Variants in FOXN3 observed in about 807,000 individuals in gnomAD.
FOXN3 encodes forkhead box N3, also known as forkhead box protein N3.
FOXN3 carries 7 observed loss-of-function variants against 38.4 expected under a neutral mutation model. That is an observed-to-expected ratio of 0.18 (90% CI 0.10 to 0.34). The LOEUF (loss-of-function observed/expected upper bound fraction) is 0.34. Ranked by LOEUF, FOXN3 falls within the 10% of genes least tolerant of loss-of-function variation. FOXN3 has a pLI of 1.00. For missense variants in FOXN3, 456 were observed against 613.4 expected (o/e 0.74, Z 2.71); for synonymous variants, 230 against 242.2 (o/e 0.95, Z 0.47).
At chr14:89,183,976 G>A (rs934568795) in intron 4 of FOXN3, 4 of 152,126 alleles carry the variant, frequency 2.6e-5, no homozygotes, top group African/African-American at 9.7e-5. Flanking sequence ...GCTGAGTTAC[G>A]GAAGGCACGA....
chr14:89,390,723 G>A (rs1329456155), intron 2 of FOXN3, among the ~76,000 whole-genome samples: 1 of 152,144 alleles, frequency 6.6e-6, no homozygotes, highest in Non-Finnish European at 1.5e-5. Context: ...AAAATCTCCA[G>A]AAACCCTTCC....
chr14:89,267,201 G>C (rs892517359), intron 4 of FOXN3, among the ~76,000 whole-genome samples: 14 of 152,182 alleles, frequency 9.2e-5, no homozygotes, highest in African/African-American at 3.4e-4. Flanking sequence ...CTACACAGTG[G>C]GTTCTCAGGG....
chr14:89,530,372 C>G (rs1596308821), intron 1 of FOXN3, among the ~76,000 whole-genome samples: 1 of 152,110 alleles, frequency 6.6e-6, no homozygotes, highest in Non-Finnish European at 1.5e-5. Flanking sequence ...GGCAAGAGAG[C>G]ATGATCGGGG....
chr14:89,464,276 A>C (rs1596284662), intron 1 of FOXN3, among the ~76,000 whole-genome samples: 1 of 152,260 alleles, frequency 6.6e-6, no homozygotes, highest in East Asian at 1.9e-4. Flanking sequence ...TAGACCTGGG[A>C]GTCCCTAAGC....
intron 1 of FOXN3, among the ~76,000 whole-genome samples, chr14:89,501,493 C>G (rs1043984162): frequency 2.0e-5 from 3 of 152,140 alleles, no homozygotes; most frequent in Admixed American, 6.5e-5. Flanking sequence ...AGCTCACAAC[C>G]ACCTTGACCC....
intron 2 of FOXN3, among the ~76,000 whole-genome samples, chr14:89,357,860 G>A (rs780453565): frequency 3.3e-5 from 5 of 152,058 alleles, no homozygotes; most frequent in African/African-American, 9.7e-5. Context: ...TATGCAACGC[G>A]CGACTGTATC....
intron 4 of FOXN3, among the ~76,000 whole-genome samples, chr14:89,261,746 G>A (rs917181943): frequency 1.6e-4 from 24 of 152,150 alleles, no homozygotes; most frequent in Admixed American, 1.1e-3. Context: ...TGGCTAACAC[G>A]ATGAAACCCC....
intron 2 of FOXN3, among the ~76,000 whole-genome samples, chr14:89,387,063 C>A (rs1184565201): frequency 6.6e-6 from 1 of 152,150 alleles, no homozygotes; most frequent in Non-Finnish European, 1.5e-5. Flanking sequence ...TCAAGACCAG[C>A]CTGGCCAACA....
At chr14:89,191,312 ACATCTGCCCCAGCGCAGCGTCC>A (rs1434637567) in intron 4 of FOXN3, among the ~76,000 whole-genome samples, 2 of 152,256 alleles carry the variant, frequency 1.3e-5, no homozygotes, top group Admixed American at 6.5e-5. Context: ...GCTGAAAAGA[ACATCTGCCCCAGCGCAGCGTCC>A]CAGCTGCCCT....
intron 2 of FOXN3, among the ~76,000 whole-genome samples, chr14:89,397,237 G>T (rs1295877349): frequency 1.3e-5 from 2 of 151,986 alleles, no homozygotes; most frequent in African/African-American, 4.8e-5. Context: ...TAAATGATGA[G>T]AACACATGGA....
intron 1 of FOXN3, among the ~76,000 whole-genome samples, chr14:89,434,427 A>C (rs957565111): frequency 6.6e-5 from 10 of 151,502 alleles, no homozygotes; most frequent in Non-Finnish European, 1.2e-4. Context: ...ACAGTGTTTC[A>C]CTGTGCTGGT....
intron 1 of FOXN3, among the ~76,000 whole-genome samples, chr14:89,543,548 C>A (rs1387254341): frequency 6.6e-6 from 1 of 152,174 alleles, no homozygotes; most frequent in Non-Finnish European, 1.5e-5. Context: ...GATTCCGCCT[C>A]GACTAAAAAG....
intron 1 of FOXN3, among the ~76,000 whole-genome samples, chr14:89,531,872 C>T (rs1003550428): frequency 3.3e-5 from 5 of 152,140 alleles, no homozygotes; most frequent in African/African-American, 9.7e-5. Flanking sequence ...TGCAGTGGCG[C>T]AATCTCAGCT....
intron 3 of FOXN3, among the ~76,000 whole-genome samples, chr14:89,285,767 G>A (rs1174856734): frequency 2.0e-5 from 3 of 152,078 alleles, no homozygotes; most frequent in Admixed American, 1.3e-4. Flanking sequence ...AAGAGTTCCG[G>A]AGGTTGGTTG....
intron 4 of FOXN3, among the ~76,000 whole-genome samples, chr14:89,266,543 T>C (rs1885985951): frequency 6.6e-6 from 1 of 152,164 alleles, no homozygotes; most frequent in Non-Finnish European, 1.5e-5. Context: ...TGGATATATT[T>C]TACAAACCTT....
At chr14:89,227,278 T>A (rs1180967625) in intron 4 of FOXN3, among the ~76,000 whole-genome samples, 6 of 152,154 alleles carry the variant, frequency 3.9e-5, no homozygotes, top group Non-Finnish European at 4.4e-5. Context: ...GATTTTTCTA[T>A]GTCTCAAAAA....
intron 4 of FOXN3, among the ~76,000 whole-genome samples, chr14:89,228,068 CTGGGGAG>C (rs1884697491): frequency 6.6e-6 from 1 of 152,176 alleles, no homozygotes; most frequent in African/African-American, 2.4e-5. Flanking sequence ...TGGTGGCAGC[CTGGGGAG>C]ACATTAAGCA....
intron 2 of FOXN3, 60 bp downstream of exon 2, chr14:89,411,874 G>GA (rs1243998867): frequency 2.6e-6 from 3 of 1,156,154 alleles, no homozygotes; most frequent in Non-Finnish European, 3.4e-6. Flanking sequence ...TTTTAATAGA[G>GA]AAAAATTTTA....
chr14:89,273,865 C>T lies in FOXN3; in HGVS notation c.745+7085G>A, dbSNP rs533107505. ...GGGCCCCTCCTTGAAACCAGAGGGC[C>T]TCTGCAGGCCCAAAGAGGACAGAAG... On this transcript the variant is annotated intron_variant, in intron 4 of 5. Transcript: ENST00000557258. Among the ~76,000 whole-genome samples, 36 of 152,270 alleles carry T rather than the reference C, an allele frequency of 2.4e-4. No homozygotes were observed. In the Middle Eastern group the frequency reaches 0.01, roughly 43 times the overall value.
Sources: allele counts gnomAD v4.1 joint callset (sites outside exome capture counted in the v4.1 genomes callset), GRCh38; gene constraint gnomAD v4.1.1; transcripts MANE v1.5; gene names NCBI Gene and HGNC (gene_info 2026-07-23, HGNC 2026-07-21).